The following CDX1 variants were observed in gnomAD, a reference collection of about 807,000 sequenced individuals.
CDX1 encodes the protein caudal type homeobox 1, also known as homeobox protein CDX-1.
In CDX1, 9 loss-of-function variants were observed where a neutral mutation model predicts 16.9. That is an observed-to-expected ratio of 0.53 (90% CI 0.32 to 0.93). The LOEUF is 0.93. Ranked by LOEUF, CDX1 falls within the 40% of genes least tolerant of loss-of-function variation. The pLI is 0.04. For missense variants in CDX1, 393 were observed against 386.1 expected, an observed-to-expected ratio of 1.02 and a Z score of -0.15; for synonymous variants, 179 against 179.0, an observed-to-expected ratio of 1.00 and a Z score of 0.00.
chr5:150,168,430 A>G (rs1580836130), intron 1 of CDX1, among the ~76,000 whole-genome samples: 1 of 152,034 alleles, frequency 6.6e-6, no homozygotes, highest in African/African-American at 2.4e-5. Flanking sequence ...GGGATACATA[A>G]CCTCCTATCT....
chr5:150,171,588 G>A (rs897074158), intron 1 of CDX1, among the ~76,000 whole-genome samples: 5 of 152,180 alleles, frequency 3.3e-5, no homozygotes, highest in African/African-American at 1.2e-4. Flanking sequence ...CGCCCGCCTC[G>A]GCCTCCCCAA....
At chr5:150,178,895 T>G (rs867182812) in intron 1 of CDX1, among the ~76,000 whole-genome samples, 2 of 152,136 alleles carry the variant, frequency 1.3e-5, no homozygotes, top group Non-Finnish European at 2.9e-5. Context: ...CTGGGATATA[T>G]GGGGTTTTGA....
rs1392009523 is a variant in CDX1, at chr5:150,183,730, A to G, written c.*50A>G. 7.0e-7 allele frequency: 1 copy of G among 1,419,000 alleles called. No homozygotes were observed. Among genetic ancestry groups the G allele is most frequent in the Admixed American group, 2.7e-5 (1 of 37,676 alleles). The allele number at this position is 1,419,000 out of a possible 1,614,324, so 87.9% of individuals were successfully genotyped here. On this transcript the variant is annotated 3_prime_UTR_variant, in exon 3 of 3. Coordinates refer to ENST00000231656, the MANE Select transcript of CDX1 (RefSeq NM_001804.3). ...GGGACCTGGGGACTCGGGTGCTGGG[A>G]GTGTGGCTCCTGTGGGCCCAGGAGG...
At chr5:150,174,593 A>G (rs966053023) in intron 1 of CDX1, among the ~76,000 whole-genome samples, 11 of 152,254 alleles carry the variant, frequency 7.2e-5, no homozygotes, top group Non-Finnish European at 1.5e-5. Context: ...CCAGCTGCAC[A>G]TGGCTGTTGA....
intron 1 of CDX1, among the ~76,000 whole-genome samples, chr5:150,171,819 G>A (rs561376398): frequency 8.5e-5 from 13 of 152,362 alleles, no homozygotes; most frequent in African/African-American, 2.6e-4. Flanking sequence ...AAGCTGTATA[G>A]CTTCGGACAA....
In CDX1 at chr5:150,174,701, C is replaced by A. The variant is rs367815398; in HGVS notation, c.445+7380C>A. Among the ~76,000 whole-genome samples, 178 of 151,600 alleles carry A rather than the reference C, an allele frequency of 1.2e-3. 1 individual carries two copies. The highest frequency in any genetic ancestry group is 4.2e-3 in the African/African-American group (173 of 41,318). ...GTCATATTGGACAGTGCAGAAAAATCTCTCTCAAGAGTTCCCAGAATGGAA... is the reference window on the plus strand; with the variant it reads ...GTCATATTGGACAGTGCAGAAAAATATCTCTCAAGAGTTCCCAGAATGGAA... On this transcript the variant is annotated intron_variant, in intron 1 of 2. Coordinates refer to ENST00000231656, the MANE Select transcript of CDX1 (RefSeq NM_001804.3).
In CDX1 at chr5:150,176,260, T is replaced by C. The variant is rs139999133; in HGVS notation, c.446-6508T>C. ...CCTCCTGAGCCCCTCTTTCCCACCCTTTCCTTTGCCTATTGGCCTTGCAGT... is the reference window on the plus strand; with the variant it reads ...CCTCCTGAGCCCCTCTTTCCCACCCCTTCCTTTGCCTATTGGCCTTGCAGT... On this transcript the variant is annotated intron_variant, in intron 1 of 2. Coordinates refer to ENST00000231656, the MANE Select transcript of CDX1 (RefSeq NM_001804.3). Among the ~76,000 whole-genome samples, 671 of 152,330 alleles carry C rather than the reference T, an allele frequency of 4.4e-3. 6 individuals carry two copies. The highest frequency in any genetic ancestry group is 0.016 in the African/African-American group (646 of 41,576).
chr5:150,177,227 C>A (rs1408499144), intron 1 of CDX1, among the ~76,000 whole-genome samples: 1 of 152,278 alleles, frequency 6.6e-6, no homozygotes, highest in East Asian at 1.9e-4. Flanking sequence ...TCTTAGAATT[C>A]TTTCAGCTAC....
In CDX1 at chr5:150,182,763, C is replaced by T; in HGVS notation, c.446-5C>T. ...CCTTCCTTCCCGGCTCCTTCTGCTTCTCAGGTAAGACTCGGACCAAGGACA... is the reference window on the plus strand; with the variant it reads ...CCTTCCTTCCCGGCTCCTTCTGCTTTTCAGGTAAGACTCGGACCAAGGACA... On this transcript the variant is annotated splice_region_variant and splice_polypyrimidine_tract_variant and intron_variant, in intron 1 of 2. Coordinates refer to ENST00000231656, the MANE Select transcript of CDX1 (RefSeq NM_001804.3). 1 of 1,559,028 alleles carries T rather than the reference C, an allele frequency of 6.4e-7. No individual in the cohort carries two copies. The highest frequency in any genetic ancestry group is 8.7e-7 in the Non-Finnish European group (1 of 1,155,234).
chr5:150,183,935 C>T lies in CDX1; in HGVS notation c.*255C>T, dbSNP rs941141995. 11 of 345,420 alleles carry T rather than the reference C, an allele frequency of 3.2e-5. No individual in the cohort carries two copies. The highest frequency in any genetic ancestry group is 5.7e-5 in the Non-Finnish European group (11 of 192,094). The allele number at this position is 345,420 out of a possible 1,614,324, so 21.4% of individuals were successfully genotyped here. On this transcript the variant is annotated 3_prime_UTR_variant, in exon 3 of 3. Coordinates refer to ENST00000231656, the MANE Select transcript of CDX1 (RefSeq NM_001804.3). ...GTGGATGATCTCAATCTCCCGTGGG[C>T]ATCTCAAGCCCCAAATGGTTGGGGG...
chr5:150,169,724 CCCT>C (rs985651818), intron 1 of CDX1, among the ~76,000 whole-genome samples: 1 of 152,198 alleles, frequency 6.6e-6, no homozygotes, highest in Non-Finnish European at 1.5e-5. Context: ...CATGCCACTG[CCCT>C]CCTAATCCCC....
At chr5:150,179,234 T>C (rs62380734) in intron 1 of CDX1, among the ~76,000 whole-genome samples, 1 of 152,220 alleles carries the variant, frequency 6.6e-6, no homozygotes, top group Non-Finnish European at 1.5e-5. Context: ...AGAGCCATTT[T>C]CTTGCACGAA....
chr5:150,174,884 C>T (rs1224654581), intron 1 of CDX1, among the ~76,000 whole-genome samples: 2 of 151,794 alleles, frequency 1.3e-5, no homozygotes, highest in East Asian at 3.9e-4. Flanking sequence ...TCAAGCGATT[C>T]TCCTGCCTCA....
rs1225966246 is a variant in CDX1, at chr5:150,167,044, G to T, written c.168G>T (p.Ala56=). 11 of 1,428,254 alleles carry T rather than the reference G, an allele frequency of 7.7e-6. No individual in the cohort carries two copies. The South Asian group carries it at 1.4e-4, about 19-fold the overall frequency. The allele number at this position is 1,428,254 out of a possible 1,614,324, so 88.5% of individuals were successfully genotyped here. Residue 56 remains alanine, a synonymous_variant, in exon 1 of 3, where the codon GCG becomes GCT. Transcript: ENST00000231656. ...SSYSHVEPAP[A]PPTAWGAPFP... ...ACTCTCACGTGGAGCCGGCCCCCGC[G>T]CCCCCGACGGCCTGGGGGGCGCCCT...
chr5:150,167,187 C>A lies in CDX1; in HGVS notation c.311C>A (p.Pro104His), dbSNP rs1761437352. ...CCAGACTTTAGCCCGGTGCCGGCGC[C>A]CCCTGGGCCCGGCCCGGGCCTCCTG... ...PPPDFSPVPA[P>H]PGPGPGLLAQ... Residue 104 changes from proline (P) to histidine (H), a missense_variant, in exon 1 of 3, where the codon CCC (proline) becomes CAC (histidine). By Grantham distance (77) the Pro-to-His change is moderately conservative. Transcript: ENST00000231656. The A allele has an allele frequency of 7.9e-7, 1 of 1,270,640 alleles. No individual in the cohort carries two copies. The highest frequency in any genetic ancestry group is 3.0e-5 in the South Asian group (1 of 33,756). The allele number at this position is 1,270,640 out of a possible 1,614,324, so 78.7% of individuals were successfully genotyped here. A position where few individuals can be genotyped will look rare whatever the true frequency, so the allele number is the denominator to read the frequency against.
Position 150,177,916 on chromosome 5 carries a change from T to C in CDX1, c.446-4852T>C, listed in dbSNP as rs939185537. ...CCTCTGTTGGGCTCCACAGCCCCTC[T>C]CCAGAGCCCAGAGAAGGGTGACAAG... On this transcript the variant is annotated intron_variant, in intron 1 of 2. Coordinates refer to ENST00000231656, the MANE Select transcript of CDX1 (RefSeq NM_001804.3). 7.9e-5 allele frequency among the ~76,000 whole-genome samples: 12 copies of C among 152,152 alleles called. No homozygotes were observed. The East Asian group carries it at 2.1e-3, about 27-fold the overall frequency.
chr5:150,181,290 C>T (rs940490823), intron 1 of CDX1, among the ~76,000 whole-genome samples: 3 of 152,252 alleles, frequency 2.0e-5, no homozygotes, highest in South Asian at 2.1e-4. Context: ...TTTCTTGAGA[C>T]GGAGTCTCAC....
chr5:150,180,315 C>T (rs145715965), intron 1 of CDX1, among the ~76,000 whole-genome samples: 2 of 152,316 alleles, frequency 1.3e-5, no homozygotes, highest in Non-Finnish European at 1.5e-5. Flanking sequence ...GGCTGAAGTC[C>T]GAGGCTATCC....
In CDX1 at chr5:150,169,270, GA is replaced by G. The variant is rs574392425; in HGVS notation, c.445+1951del. ...CGTGTCTCTGGGCACGAGAGCTGCT[GA>G]ACCTGGCTCATCCTCTGGTCTCAAA... is the stretch of plus-strand genomic sequence containing the variant. On this transcript the variant is annotated intron_variant, in intron 1 of 2. Coordinates refer to ENST00000231656, the MANE Select transcript of CDX1 (RefSeq NM_001804.3). Among the ~76,000 whole-genome samples the G allele has an allele frequency of 4.7e-4, 71 of 152,264 alleles. 2 individuals carry two copies. In the South Asian group the frequency reaches 0.012, roughly 27 times the overall value.
Sources: allele counts gnomAD v4.1 joint callset (sites outside exome capture counted in the v4.1 genomes callset), GRCh38; gene constraint gnomAD v4.1.1; transcripts MANE v1.5; gene names NCBI Gene and HGNC (gene_info 2026-07-23, HGNC 2026-07-21).